The following RPL24 variants were observed in gnomAD, a reference collection of about 807,000 sequenced individuals.
The protein encoded by RPL24 is large ribosomal subunit protein eL24.
Under a neutral mutation model 26.4 loss-of-function variants are expected in RPL24, and 7 were observed. The ratio of observed to expected loss-of-function variants is 0.27; its 90% CI spans 0.15 to 0.50. The LOEUF (loss-of-function observed/expected upper bound fraction) is 0.50, where lower values mean the gene tolerates loss of function less well. Among genes scored for constraint, RPL24 ranks in the 20% least tolerant of loss-of-function variants. The probability of loss-of-function intolerance (pLI) is 0.98; values close to 1 mark genes in which losing one functional copy is unlikely to be tolerated. For synonymous variants in RPL24, 67 were observed against 65.2 expected, an observed-to-expected ratio of 1.03 and a Z score of -0.13; for missense variants, 109 against 194.9, an observed-to-expected ratio of 0.56 and a Z score of 2.62.
At position 101,686,691 on chromosome 3, in the gene RPL24, G is replaced by T. The variant is rs140820641; in HGVS notation, c.-15C>A. 2.5e-6 allele frequency: 4 copies of T among 1,614,190 alleles called. No homozygotes were observed. The highest frequency in any genetic ancestry group is 3.4e-6 in the Non-Finnish European group (4 of 1,180,020). ...GCTTACTTCATGGCGACAGCTCCAC[G>T]GAAAGACAAAAGATGGCGAAAAGAA... On this transcript the variant is annotated 5_prime_UTR_variant, in exon 1 of 6. Transcript: ENST00000394077.
Position 101,686,714 on chromosome 3 carries a change from G to GA in RPL24, c.-39dup. ...ACGGAAAGACAAAAGATGGCGAAAA[G>GA]AAAGAGAGAATCATGGGAAGAGACC... On this transcript the variant is annotated 5_prime_UTR_variant, in exon 1 of 6. Coordinates refer to ENST00000394077, the MANE Select transcript of RPL24 (RefSeq NM_000986.4). 1.2e-6 allele frequency: 2 copies of GA among 1,613,876 alleles called. No individual in the cohort carries two copies. The highest frequency in any genetic ancestry group is 1.7e-6 in the Non-Finnish European group (2 of 1,179,882).
At chr3:101,685,021 T>G (rs374939128) in intron 3 of RPL24, among the ~76,000 whole-genome samples, 6 of 152,026 alleles carry the variant, frequency 3.9e-5, no homozygotes, top group Non-Finnish European at 8.8e-5. Context: ...TGCTTTCAAC[T>G]GTTTTAGGGT....
intron 2 of RPL24, chr3:101,686,197 C>T (rs746706840): frequency 5.0e-5 from 29 of 578,096 alleles, no homozygotes; most frequent in Admixed American, 2.5e-4. Flanking sequence ...GCATTCTGCT[C>T]TTGTCCGTCC....
At chr3:101,682,513 A>G (rs898015795) in intron 4 of RPL24, 21 bp from the exon 5 acceptor site, 3 of 1,602,918 alleles carry the variant, frequency 1.9e-6, no homozygotes, top group Non-Finnish European at 2.6e-6. Flanking sequence ...AAAGTAACTT[A>G]AGGCAAAAGC....
intron 2 of RPL24, 189 bp from the exon 3 acceptor site, chr3:101,686,117 T>G (rs567359615): frequency 1.7e-6 from 1 of 579,836 alleles, no homozygotes; most frequent in East Asian, 2.8e-5. Context: ...GGTCCTTGCG[T>G]TTAGTCTTTT....
chr3:101,682,226 C>T (rs548731036), intron 5 of RPL24: 16 of 540,444 alleles, frequency 3.0e-5, no homozygotes, highest in Middle Eastern at 5.1e-4. Flanking sequence ...ATCAGCCGGG[C>T]GTGATGGCGC....
intron 3 of RPL24, 60 bp from the exon 4 acceptor site, chr3:101,682,967 A>G: frequency 5.3e-6 from 8 of 1,507,754 alleles, no homozygotes; most frequent in Non-Finnish European, 7.2e-6. Context: ...TAGAGGGAGG[A>G]AAAATTAAGT....
intron 3 of RPL24, among the ~76,000 whole-genome samples, chr3:101,684,783 A>C (rs1307836140): frequency 7.3e-5 from 2 of 27,380 alleles, no homozygotes; most frequent in African/African-American, 1.2e-4. Flanking sequence ...CCCCAAAAAA[A>C]AAAAAAAAAA....
At chr3:101,684,092 C>A (rs1359241144) in intron 3 of RPL24, among the ~76,000 whole-genome samples, 1 of 151,960 alleles carries the variant, frequency 6.6e-6, no homozygotes, top group Non-Finnish European at 1.5e-5. Context: ...GGCTCAAGCT[C>A]AAGGGATCCT....
intron 3 of RPL24, among the ~76,000 whole-genome samples, chr3:101,684,971 C>T (rs995745282): frequency 2.6e-5 from 4 of 151,558 alleles, no homozygotes; most frequent in South Asian, 2.1e-4. Context: ...CCACCAAGCC[C>T]GGATTTGCTA....
Position 101,686,710 on chromosome 3 carries a change from A to G in RPL24, c.-34T>C. The stretch of plus-strand genomic sequence containing the variant: ...CTCCACGGAAAGACAAAAGATGGCG[A>G]AAAGAAAGAGAGAATCATGGGAAGA... On this transcript the variant is annotated 5_prime_UTR_variant, in exon 1 of 6. Coordinates refer to ENST00000394077, the MANE Select transcript of RPL24 (RefSeq NM_000986.4). 2 of 1,614,068 alleles carry G rather than the reference A, an allele frequency of 1.2e-6. No homozygotes were observed. The highest frequency in any genetic ancestry group is 1.1e-5 in the South Asian group (1 of 91,088).
At chr3:101,684,727 G>A (rs1041856444) in intron 3 of RPL24, among the ~76,000 whole-genome samples, 79 of 130,808 alleles carry the variant, frequency 6.0e-4, no homozygotes, top group African/African-American at 2.3e-3. Context: ...GGAGTGAGCT[G>A]TGATCCTGCC....
rs1459385576 is a variant in RPL24 at position 101,686,512 on chromosome 3, G to A, written c.51C>T (p.His17=). The A allele has an allele frequency of 1.2e-6, 2 of 1,614,192 alleles. No homozygotes were observed. Among genetic ancestry groups the A allele is most frequent in the African/African-American group, 1.3e-5 (1 of 75,062 alleles). ...SFSGYKIYPG[H]GRRYARTDGK... ...CGTCGGTCCTGGCGTAGCGCCTCCC[G>A]TGTCCGGGGTAGATCTTGTACCCGC... Residue 17 remains histidine (H), a synonymous_variant, in exon 2 of 6, where the codon CAC becomes CAT. Transcript: ENST00000394077.
At chr3:101,682,571 G>A (rs1009028864) in intron 4 of RPL24, 79 bp from the exon 5 acceptor site, 1 of 1,232,894 alleles carries the variant, frequency 8.1e-7, no homozygotes, top group Non-Finnish European at 1.2e-6. Flanking sequence ...AGACTGTACT[G>A]GACAAGTACA....
At position 101,681,173 on chromosome 3, in the gene RPL24, C is replaced by T. The variant is rs1280484697; in HGVS notation, c.436G>A (p.Val146Met). The T allele has an allele frequency of 6.2e-7, 1 of 1,613,848 alleles. No individual in the cohort carries two copies. The change falls in exon 6 of 6, where the codon GTG becomes ATG. Residue 146 changes from valine to methionine, a missense_variant. By Grantham distance (21) the Val-to-Met change is conservative (BLOSUM62 1). Transcript: ENST00000394077. The part of the protein sequence containing the change: ...AAPKQKIVKP[V>M]KVSAPRVGGK... The stretch of plus-strand genomic sequence containing the variant: ...CCAACTCGGGGAGCTGAAACTTTCA[C>T]AGGCTTCACAATCTTTTGCTTAGGT...
chr3:101,683,936 G>A (rs865871249), intron 3 of RPL24, among the ~76,000 whole-genome samples: 78 of 152,038 alleles, frequency 5.1e-4, no homozygotes, highest in African/African-American at 1.7e-3. Flanking sequence ...GGTCTCTAAC[G>A]CCTGAGCTCA....
In RPL24 at chr3:101,686,690, C is replaced by G. The variant is rs146408486; in HGVS notation, c.-14G>C. ...TGCTTACTTCATGGCGACAGCTCCACGGAAAGACAAAAGATGGCGAAAAGA... is the reference window on the plus strand; with the variant it reads ...TGCTTACTTCATGGCGACAGCTCCAGGGAAAGACAAAAGATGGCGAAAAGA... On this transcript the variant is annotated 5_prime_UTR_variant, in exon 1 of 6. Coordinates refer to ENST00000394077, the MANE Select transcript of RPL24 (RefSeq NM_000986.4). The G allele has an allele frequency of 1.5e-4, 250 of 1,614,192 alleles. 1 individual carries two copies. In the African/African-American group the frequency reaches 3.0e-3, roughly 20 times the overall value.
At chr3:101,686,416 C>A in intron 2 of RPL24, 66 bp downstream of exon 2, 1 of 1,438,980 alleles carries the variant, frequency 6.9e-7, no homozygotes, top group Non-Finnish European at 9.5e-7. Flanking sequence ...CCCGCCTAAA[C>A]CGAATTAAAC....
rs192530978 is a variant in RPL24, at chr3:101,682,035, C to A, written c.393+394G>T. 2.5e-4 allele frequency: 45 copies of A among 180,800 alleles called. No individual in the cohort carries two copies. The Middle Eastern group carries it at 0.013, about 52-fold the overall frequency. 11.2% of individuals were successfully genotyped at this position (180,800 alleles called of 1,614,324 possible). A position where few individuals can be genotyped will look rare whatever the true frequency, so the allele number is the denominator to read the frequency against. ...CAATACCTTAAAACTGTGAAACTTT[C>A]ATTTATCACAATTTAGACTGAAAAT... On this transcript the variant is annotated intron_variant, in intron 5 of 5. Transcript: ENST00000394077.
Sources: gnomAD v4.1 joint callset for allele counts (sites outside exome capture counted in the v4.1 genomes callset) on GRCh38, gnomAD v4.1.1 for gene constraint, MANE v1.5 for transcripts, NCBI Gene and HGNC (gene_info 2026-07-23, HGNC 2026-07-21) for gene names.